STX8: variants seen among roughly 807,000 people sequenced by gnomAD.
STX8 encodes the protein syntaxin 8, also known as syntaxin-8.
Under a neutral mutation model 37.5 loss-of-function variants are expected in STX8, and 23 were observed. The ratio of observed to expected loss-of-function variants is 0.61; its 90% CI spans 0.44 to 0.87. The LOEUF (loss-of-function observed/expected upper bound fraction) is 0.87, where lower values mean the gene tolerates loss of function less well. Ranked by LOEUF, STX8 falls within the 40% of genes least tolerant of loss-of-function variation. STX8 has a pLI of 0.00. For synonymous variants in STX8, 115 were observed against 99.1 expected (o/e 1.16, Z -0.95); for missense variants, 313 against 284.7 (o/e 1.10, Z -0.71).
At chr17:9,554,575 A>C (rs145479635) in intron 3 of STX8, 159 of 152,324 alleles carry the variant, frequency 1.0e-3, no homozygotes, top group African/African-American at 3.8e-3. Context: ...AGAGGCCTTC[A>C]TAATATACAA....
intron 6 of STX8, among the ~76,000 whole-genome samples, chr17:9,432,107 T>C (rs144671796): frequency 1.3e-5 from 2 of 152,308 alleles, no homozygotes; most frequent in East Asian, 3.9e-4. Flanking sequence ...CTTGAAAGTT[T>C]GCTTCAAGCA....
At chr17:9,403,878 C>T (rs1452295317) in intron 6 of STX8, among the ~76,000 whole-genome samples, 2 of 152,028 alleles carry the variant, frequency 1.3e-5, no homozygotes, top group African/African-American at 2.4e-5. Context: ...GAACTCCTGA[C>T]CTCATGATCT....
At chr17:9,514,033 A>G (rs1905099377) in intron 4 of STX8, among the ~76,000 whole-genome samples, 1 of 152,190 alleles carries the variant, frequency 6.6e-6, no homozygotes, top group Non-Finnish European at 1.5e-5. Context: ...GAGAGTAGGG[A>G]GAAGGGGGAG....
chr17:9,323,658 A>G (rs1369093743), intron 7 of STX8, among the ~76,000 whole-genome samples: 2 of 152,192 alleles, frequency 1.3e-5, no homozygotes, highest in East Asian at 3.9e-4. Flanking sequence ...ATACGCACAC[A>G]GCACTGGAGA....
intron 6 of STX8, among the ~76,000 whole-genome samples, chr17:9,448,371 C>A (rs1429621518): frequency 1.3e-5 from 2 of 152,190 alleles, no homozygotes; most frequent in Non-Finnish European, 2.9e-5. Context: ...CAAGGCAACG[C>A]CCTGCCTTCT....
At chr17:9,485,361 A>T (rs989620895) in intron 6 of STX8, among the ~76,000 whole-genome samples, 1 of 152,214 alleles carries the variant, frequency 6.6e-6, no homozygotes, top group Non-Finnish European at 1.5e-5. Context: ...TGAAGAAGGC[A>T]TTCATGGAGA....
At chr17:9,290,135 A>G (rs1908264995) in intron 7 of STX8, among the ~76,000 whole-genome samples, 1 of 152,200 alleles carries the variant, frequency 6.6e-6, no homozygotes, top group Non-Finnish European at 1.5e-5. Context: ...CCAAGAAGAG[A>G]GTGTGAAAGA....
intron 6 of STX8, among the ~76,000 whole-genome samples, chr17:9,418,910 C>A (rs145869695): frequency 7.4e-6 from 1 of 135,910 alleles, no homozygotes; most frequent in Non-Finnish European, 1.6e-5. Flanking sequence ...ACACCCCCCC[C>A]TCTTTTTTTT....
intron 7 of STX8, among the ~76,000 whole-genome samples, chr17:9,346,353 G>A (rs1910533657): frequency 6.6e-6 from 1 of 151,594 alleles, no homozygotes; most frequent in African/African-American, 2.4e-5. Context: ...CTCTTTCCTT[G>A]ACTAAACCAA....
intron 4 of STX8, among the ~76,000 whole-genome samples, chr17:9,508,440 C>A (rs1009487176): frequency 5.9e-5 from 9 of 152,190 alleles, no homozygotes; most frequent in African/African-American, 1.4e-4. Flanking sequence ...GATTCTCCCT[C>A]CTCAGTCCTC....
rs529875306 is a variant in STX8 at position 9,563,111 on chromosome 17, GAC to G, written c.117+5258_117+5259del. Reference sequence around the variant, plus strand: ...AGGTTTCTATATTATTAAGTGAAAAGACCAAGATACAAAAGAGTATCTGTCAT... The same window carrying G: ...AGGTTTCTATATTATTAAGTGAAAAGCAAGATACAAAAGAGTATCTGTCAT... On this transcript the variant is annotated intron_variant, in intron 2 of 7. Coordinates refer to ENST00000306357, the MANE Select transcript of STX8 (RefSeq NM_004853.3). Among the ~76,000 whole-genome samples, 162 of 152,092 alleles carry G rather than the reference GAC, an allele frequency of 1.1e-3. 3 individuals carry two copies. Among genetic ancestry groups the G allele is most frequent in the African/African-American group, 3.7e-3 (154 of 41,508 alleles).
intron 7 of STX8, among the ~76,000 whole-genome samples, chr17:9,362,600 C>T (rs938659804): frequency 1.3e-5 from 2 of 151,872 alleles, no homozygotes; most frequent in Non-Finnish European, 2.9e-5. Flanking sequence ...GGGCGTATCA[C>T]GAGGACAGGA....
intron 7 of STX8, among the ~76,000 whole-genome samples, chr17:9,348,354 C>T (rs932984366): frequency 6.9e-6 from 1 of 144,224 alleles, no homozygotes; most frequent in Non-Finnish European, 1.5e-5. Flanking sequence ...GGAGGCAGAA[C>T]TTGCAATGAG....
At position 9,305,664 on chromosome 17, in the gene STX8, A is replaced by G. The variant is rs142664125; in HGVS notation, c.644-55019T>C. 3.3e-5 allele frequency: 5 copies of G among 151,852 alleles called. No homozygotes were observed. In the East Asian group the frequency reaches 9.7e-4, roughly 29 times the overall value. 9.4% of individuals were successfully genotyped at this position (151,852 alleles called of 1,614,324 possible). Reference sequence around the variant, plus strand: ...TGTATGCGTAGTGATGCTGTGGTCAACAGTGGACAGCATATATCATGGTGG... The same window carrying G: ...TGTATGCGTAGTGATGCTGTGGTCAGCAGTGGACAGCATATATCATGGTGG... On this transcript the variant is annotated intron_variant, in intron 7 of 7. Coordinates refer to ENST00000306357, the MANE Select transcript of STX8 (RefSeq NM_004853.3).
At chr17:9,575,048 G>C (rs1269066023) in intron 1 of STX8, among the ~76,000 whole-genome samples, 1 of 152,202 alleles carries the variant, frequency 6.6e-6, no homozygotes. Flanking sequence ...TAATTATTAA[G>C]CAGAAAGGTC....
chr17:9,335,477 T>C (rs1328467369), intron 7 of STX8, among the ~76,000 whole-genome samples: 3 of 152,142 alleles, frequency 2.0e-5, no homozygotes, highest in African/African-American at 4.8e-5. Context: ...AAGACCATCA[T>C]AATGGCAATC....
intron 7 of STX8, among the ~76,000 whole-genome samples, chr17:9,310,599 C>T (rs759462062): frequency 5.9e-5 from 9 of 152,128 alleles, no homozygotes; most frequent in Non-Finnish European, 1.2e-4. Flanking sequence ...AAAGAGTGTG[C>T]ACCTGTTTTG....
At chr17:9,315,037 GTT>G (rs1357992838) in intron 7 of STX8, among the ~76,000 whole-genome samples, 2 of 147,890 alleles carry the variant, frequency 1.4e-5, no homozygotes, top group East Asian at 4.2e-4. Context: ...GGGAGGTGGA[GTT>G]TGCAGTCAGC....
intron 6 of STX8, among the ~76,000 whole-genome samples, chr17:9,447,777 A>G (rs1487730818): frequency 2.0e-5 from 3 of 152,196 alleles, no homozygotes; most frequent in Non-Finnish European, 2.9e-5. Context: ...TGGCAAATTA[A>G]TGTTCTCATC....
Sources: allele counts gnomAD v4.1 joint callset (sites outside exome capture counted in the v4.1 genomes callset), GRCh38; gene constraint gnomAD v4.1.1; transcripts MANE v1.5; gene names NCBI Gene and HGNC (gene_info 2026-07-23, HGNC 2026-07-21).